The following AASDH variants were observed in gnomAD, a reference collection of about 807,000 sequenced individuals.
AASDH encodes aminoadipate-semialdehyde dehydrogenase.
In AASDH, 81 loss-of-function variants were observed where a neutral mutation model predicts 102.3. The observed-to-expected ratio is 0.79, with a 90% confidence interval of 0.66 to 0.95. The LOEUF is 0.95. AASDH is among the 40% of genes least tolerant of loss of function. The probability of loss-of-function intolerance (pLI) is 0.00; values close to 1 mark genes in which losing one functional copy is unlikely to be tolerated. For missense variants in AASDH, 1,203 were observed against 1,266.2 expected, an observed-to-expected ratio of 0.95 and a Z score of 0.76; for synonymous variants, 398 against 454.0, an observed-to-expected ratio of 0.88 and a Z score of 1.57.
intron 14 of AASDH, among the ~76,000 whole-genome samples, chr4:56,340,811 TCAAA>T (rs772377551): frequency 2.0e-4 from 30 of 151,934 alleles, no homozygotes; most frequent in Admixed American, 7.2e-4. Flanking sequence ...TATGAGGAAC[TCAAA>T]CAACACAACA....
rs1753272567 is a variant in AASDH at position 56,384,066 on chromosome 4, T to C, written c.230+4A>G. The C allele has an allele frequency of 3.7e-6, 6 of 1,608,344 alleles. No individual in the cohort carries two copies. Among genetic ancestry groups the C allele is most frequent in the South Asian group, 2.2e-5 (2 of 90,960 alleles). ...ATCAAATTTACAGTTCTAAAAAATATTACCCTAAAATCCAAGAGGGTAAGT... is the reference window on the plus strand; with the variant it reads ...ATCAAATTTACAGTTCTAAAAAATACTACCCTAAAATCCAAGAGGGTAAGT... On this transcript the variant is annotated splice_donor_region_variant and intron_variant, in intron 2 of 14. Transcript: ENST00000205214.
chr4:56,356,997 G>A, intron 5 of AASDH: 1 of 389,908 alleles, frequency 2.6e-6, no homozygotes. Context: ...CTTTAAAAAT[G>A]TGCCTAAGTA....
chr4:56,345,357 C>T, intron 11 of AASDH, 67 bp from the exon 12 acceptor site: 2 of 1,455,936 alleles, frequency 1.4e-6, no homozygotes, highest in East Asian at 2.4e-5. Context: ...CTTTAGCCTA[C>T]AGCATGCAAT....
rs1024756182 is a variant in AASDH at position 56,343,091 on chromosome 4, G to A, written c.2776-125C>T. 3.1e-5 allele frequency: 29 copies of A among 924,000 alleles called. No homozygotes were observed. The African/African-American group carries it at 4.7e-4, about 15-fold the overall frequency. The allele number at this position is 924,000 out of a possible 1,614,324, so 57.2% of individuals were successfully genotyped here. On this transcript the variant is annotated intron_variant, in intron 13 of 14. Coordinates refer to ENST00000205214, the MANE Select transcript of AASDH (RefSeq NM_181806.4). The stretch of plus-strand genomic sequence containing the variant: ...ATAGCAGAAAATGCTGTAGTGGTAT[G>A]CAGACATAAATGAAGCTGGTATACA...
intron 5 of AASDH, among the ~76,000 whole-genome samples, 170 bp from the exon 6 acceptor site, chr4:56,355,593 G>GTTTTTTTTTTTTTTTTTTTTTTTTGT (rs149149581): frequency 1.1e-5 from 1 of 91,918 alleles, no homozygotes; most frequent in Non-Finnish European, 2.0e-5. Flanking sequence ...TTATCTTCTT[G>GTTTTTTTTTTTTTTTTTTTTTTTTGT]TTTTTTTTTT....
At chr4:56,354,887 C>A in intron 6 of AASDH, 76 bp from the exon 7 acceptor site, 1 of 1,223,336 alleles carries the variant, frequency 8.2e-7, no homozygotes, top group African/African-American at 1.6e-5. Context: ...TTAAATCATA[C>A]TGTACCAAAT....
At chr4:56,369,721 C>A (rs1751461157) in intron 5 of AASDH, among the ~76,000 whole-genome samples, 1 of 151,850 alleles carries the variant, frequency 6.6e-6, no homozygotes, top group Non-Finnish European at 1.5e-5. Context: ...AGTTTGAGAC[C>A]AGGAGGCCAG....
At chr4:56,355,447 T>C (rs764099524) in intron 5 of AASDH, 24 bp from the exon 6 acceptor site, 11 of 1,588,306 alleles carry the variant, frequency 6.9e-6, no homozygotes, top group Non-Finnish European at 9.4e-6. Context: ...AAAAATAATT[T>C]ATTTATTTTC....
Position 56,355,329 on chromosome 4 carries a change from C to T in AASDH, c.956G>A (p.Gly319Asp), listed in dbSNP as rs932128652. Residue 319 changes from glycine to aspartate, a missense_variant, in exon 6 of 15, where the codon GGT becomes GAT. Physicochemically the swap from Gly to Asp is moderately conservative, Grantham distance 94 (BLOSUM62 -1). Coordinates refer to ENST00000205214, the MANE Select transcript of AASDH (RefSeq NM_181806.4). The stretch of plus-strand genomic sequence containing the variant: ...AACTGTCAATGATGGAAACGCTTCA[C>T]CACCAAGGGCTAATACTCGAAGAGA... ...TTSLRVLALG[G>D]EAFPSLTVLR... is the part of the protein sequence containing the mutation. 4 of 1,614,022 alleles carry T rather than the reference C, an allele frequency of 2.5e-6. No homozygotes were observed. Among genetic ancestry groups the T allele is most frequent in the Non-Finnish European group, 2.5e-6 (3 of 1,180,036 alleles).
intron 4 of AASDH, among the ~76,000 whole-genome samples, chr4:56,376,850 G>A (rs1377438774): frequency 1.3e-4 from 20 of 151,722 alleles, no homozygotes; most frequent in South Asian, 1.0e-3. Flanking sequence ...GGCGGATCAC[G>A]AGGTCAGGAG....
intron 14 of AASDH, among the ~76,000 whole-genome samples, chr4:56,339,117 TGA>T (rs1211560890): frequency 2.6e-5 from 4 of 152,118 alleles, no homozygotes; most frequent in African/African-American, 9.7e-5. Flanking sequence ...AAAACTACAT[TGA>T]GTTTTCAATA....
intron 11 of AASDH, among the ~76,000 whole-genome samples, chr4:56,345,861 CAGTGAAGTA>C (rs1285386363): frequency 6.6e-6 from 1 of 152,222 alleles, no homozygotes; most frequent in African/African-American, 2.4e-5. Flanking sequence ...TTAATCCCCA[CAGTGAAGTA>C]AGTACTATTA....
At chr4:56,343,816 G>GTACTTTATACTA (rs1747997547) in intron 12 of AASDH, 132 bp from the exon 13 acceptor site, 1 of 856,498 alleles carries the variant, frequency 1.2e-6, no homozygotes, top group South Asian at 2.6e-5. Flanking sequence ...TGCCTACTGT[G>GTACTTTATACTA]GAGAATCAGA....
intron 14 of AASDH, 63 bp downstream of exon 14, chr4:56,342,768 CTATT>C: frequency 1.5e-6 from 1 of 659,548 alleles, no homozygotes; most frequent in Non-Finnish European, 2.0e-6. Flanking sequence ...ATTTCTAGTT[CTATT>C]TTTTATATAT....
intron 1 of AASDH, 110 bp from the exon 2 acceptor site, chr4:56,384,451 A>G: frequency 1.7e-6 from 1 of 600,024 alleles, no homozygotes; most frequent in Non-Finnish European, 2.9e-6. Flanking sequence ...TATATCAAAG[A>G]TATATAAATG....
At chr4:56,340,414 C>T (rs1264536558) in intron 14 of AASDH, among the ~76,000 whole-genome samples, 1 of 152,134 alleles carries the variant, frequency 6.6e-6, no homozygotes, top group Admixed American at 6.5e-5. Context: ...CAAAAATACA[C>T]AATGGGGAAT....
intron 3 of AASDH, among the ~76,000 whole-genome samples, chr4:56,381,554 C>T (rs1185278295): frequency 6.6e-6 from 1 of 150,880 alleles, no homozygotes; most frequent in Non-Finnish European, 1.5e-5. Flanking sequence ...CATTGCACTT[C>T]AGCCTGGGTA....
chr4:56,376,136 G>A (rs531660943), intron 4 of AASDH, among the ~76,000 whole-genome samples: 2 of 149,046 alleles, frequency 1.3e-5, no homozygotes, highest in African/African-American at 2.5e-5. Flanking sequence ...CAATCCTTCC[G>A]CTTCAACCTC....
chr4:56,356,818 T>C lies in AASDH; in HGVS notation c.862-1395A>G, dbSNP rs1749693837. On this transcript the variant is annotated intron_variant, in intron 5 of 14. Coordinates refer to ENST00000205214, the MANE Select transcript of AASDH (RefSeq NM_181806.4). ...TATTAGGACCAATTACAATGACAGA[T>C]ACGATGAGATCCACCGTCACTGGGG... 15 of 774,836 alleles carry C rather than the reference T, an allele frequency of 1.9e-5. No homozygotes were observed. The Admixed American group carries it at 2.3e-4, about 12-fold the overall frequency. The allele number at this position is 774,836 out of a possible 1,614,324, so 48.0% of individuals were successfully genotyped here.
Sources: gnomAD v4.1 joint callset for allele counts (sites outside exome capture counted in the v4.1 genomes callset) on GRCh38, gnomAD v4.1.1 for gene constraint, MANE v1.5 for transcripts, NCBI Gene and HGNC (gene_info 2026-07-23, HGNC 2026-07-21) for gene names.